Variants in SYT17 observed in about 807,000 individuals in gnomAD.
The protein encoded by SYT17 is synaptotagmin 17, also known as synaptotagmin-17.
A neutral mutation model predicts 46.7 loss-of-function variants in SYT17; 22 were observed. That is an observed-to-expected ratio of 0.47 (90% CI 0.34 to 0.67). SYT17 has a LOEUF of 0.67. Among genes scored for constraint, SYT17 ranks in the 30% least tolerant of loss-of-function variants. The pLI is 0.01. For synonymous variants in SYT17, 251 were observed against 248.4 expected (o/e 1.01, Z -0.10); for missense variants, 519 against 612.8 (o/e 0.85, Z 1.62).
intron 5 of SYT17, among the ~76,000 whole-genome samples, chr16:19,198,652 G>A (rs890454092): frequency 2.0e-5 from 3 of 152,204 alleles, no homozygotes; most frequent in African/African-American, 7.2e-5. Flanking sequence ...TTGAACATGA[G>A]GAGGCTGTGT....
intron 5 of SYT17, among the ~76,000 whole-genome samples, chr16:19,196,167 G>C (rs557909842): frequency 6.6e-6 from 1 of 152,198 alleles, no homozygotes; most frequent in South Asian, 2.1e-4. Context: ...GAAGGAATTG[G>C]CTTAGAATCT....
At chr16:19,190,768 CTGTGTGTGTGTGTGTGTG>C (rs56947560) in intron 5 of SYT17, among the ~76,000 whole-genome samples, 37 of 144,834 alleles carry the variant, frequency 2.6e-4, no homozygotes, top group African/African-American at 6.1e-4. Context: ...AATAATATTC[CTGTGTGTGTGTGTGTGTG>C]TGTGTGTGTG....
At chr16:19,238,735 C>T (rs1468789759) in intron 7 of SYT17, among the ~76,000 whole-genome samples, 2 of 152,106 alleles carry the variant, frequency 1.3e-5, no homozygotes, top group Admixed American at 6.5e-5. Context: ...TATGTGCCTG[C>T]AGGGCCTAAG....
chr16:19,204,566 G>A (rs1177125854), intron 5 of SYT17, among the ~76,000 whole-genome samples: 4 of 151,976 alleles, frequency 2.6e-5, no homozygotes, highest in African/African-American at 9.7e-5. Context: ...GGTGCAGGGT[G>A]TTGAGGATGA....
Position 19,209,212 on chromosome 16 carries a change from G to T in SYT17, c.952-13833G>T, listed in dbSNP as rs542065687. 9.9e-5 allele frequency among the ~76,000 whole-genome samples: 15 copies of T among 152,158 alleles called. No individual in the cohort carries two copies. The South Asian group carries it at 3.1e-3, about 32-fold the overall frequency. On this transcript the variant is annotated intron_variant, in intron 5 of 7. Transcript: ENST00000355377. ...AAGGTCACATTCAGAGATCCTGGGG[G>T]TTGGAAATTAAATATGAATTTTGGG...
At position 19,183,380 on chromosome 16, in the gene SYT17, A is replaced by C. The variant is rs1596902967; in HGVS notation, c.332-148A>C. 1 of 1,178,202 alleles carries C rather than the reference A, an allele frequency of 8.5e-7. No homozygotes were observed. Among genetic ancestry groups the C allele is most frequent in the East Asian group, 2.4e-5 (1 of 42,500 alleles). 73.0% of individuals were successfully genotyped at this position (1,178,202 alleles called of 1,614,324 possible). Reference sequence around the variant, plus strand: ...ATAGTGCCACCAAACTATCTGTCACAGAATCAGTGAGTATTTCAGAGTGTG... The same window carrying C: ...ATAGTGCCACCAAACTATCTGTCACCGAATCAGTGAGTATTTCAGAGTGTG... On this transcript the variant is annotated intron_variant, in intron 4 of 7. Transcript: ENST00000355377. The surrounding 1 kb of genome is among the most constrained non-coding windows in gnomAD (Gnocchi z 5.6).
chr16:19,266,874 C>G lies in SYT17; in HGVS notation c.1229-6C>G. 6.2e-7 allele frequency: 1 copy of G among 1,611,850 alleles called. No homozygotes were observed. Among genetic ancestry groups the G allele is most frequent in the Non-Finnish European group, 8.5e-7 (1 of 1,178,918 alleles). On this transcript the variant is annotated splice_region_variant and splice_polypyrimidine_tract_variant and intron_variant, in intron 7 of 7. Transcript: ENST00000355377. ...CCCTCCTGCCCTCAACCCTCTGGCT[C>G]CCTAGTTTTCGGCCACAACATGAAG... is the stretch of plus-strand genomic sequence containing the variant.
intron 7 of SYT17, among the ~76,000 whole-genome samples, chr16:19,229,310 G>C (rs553609360): frequency 3.6e-4 from 55 of 152,272 alleles, no homozygotes; most frequent in African/African-American, 1.3e-3. Flanking sequence ...GAAGCATGAG[G>C]CTGGCATCTG....
intron 3 of SYT17, among the ~76,000 whole-genome samples, chr16:19,177,259 C>T (rs943060235): frequency 5.9e-5 from 9 of 152,042 alleles, no homozygotes; most frequent in African/African-American, 1.4e-4. Context: ...TTCCAGGTGG[C>T]GCCATTCACA....
Position 19,168,499 on chromosome 16 carries a change from G to C in SYT17, c.-148G>C. 9.0e-7 allele frequency: 1 copy of C among 1,116,004 alleles called. No individual in the cohort carries two copies. The highest frequency in any genetic ancestry group is 1.3e-6 in the Non-Finnish European group (1 of 791,230). 69.1% of individuals were successfully genotyped at this position (1,116,004 alleles called of 1,614,324 possible). A position where few individuals can be genotyped will look rare whatever the true frequency, so the allele number is the denominator to read the frequency against. ...GGCGGCCGGCGGAGGGGCGGGCGCC[G>C]CTCATCAGCCACGCCAGTCACGTCT... On this transcript the variant is annotated 5_prime_UTR_variant, in exon 1 of 8. Coordinates refer to ENST00000355377, the MANE Select transcript of SYT17 (RefSeq NM_016524.4). The surrounding 1 kb of genome is among the most constrained non-coding windows in gnomAD (Gnocchi z 6.9).
At chr16:19,263,417 A>C (rs1969122594) in intron 7 of SYT17, among the ~76,000 whole-genome samples, 3 of 152,126 alleles carry the variant, frequency 2.0e-5, no homozygotes, top group South Asian at 4.1e-4. Flanking sequence ...CGAGGTGGGC[A>C]GATCACCTGA....
chr16:19,179,163 T>C (rs1964444500), intron 3 of SYT17, among the ~76,000 whole-genome samples: 1 of 152,164 alleles, frequency 6.6e-6, no homozygotes, highest in Admixed American at 6.5e-5. Context: ...TCTCTTGCTG[T>C]GTCACCCAGG....
At chr16:19,196,536 A>G (rs2142707882) in intron 5 of SYT17, among the ~76,000 whole-genome samples, 1 of 141,810 alleles carries the variant, frequency 7.1e-6, no homozygotes, top group African/African-American at 2.7e-5. Context: ...AGCCACCAGC[A>G]CCCAGCTGAA....
At chr16:19,207,425 T>A (rs536622233) in intron 5 of SYT17, among the ~76,000 whole-genome samples, 7 of 152,190 alleles carry the variant, frequency 4.6e-5, no homozygotes, top group African/African-American at 1.7e-4. Context: ...TTCTGTAGGC[T>A]GCATAGGAAG....
chr16:19,238,910 T>C (rs1597000944), intron 7 of SYT17, among the ~76,000 whole-genome samples: 2 of 152,204 alleles, frequency 1.3e-5, no homozygotes, highest in South Asian at 4.1e-4. Context: ...CTTTCAGACA[T>C]CCCTTCTATC....
chr16:19,168,811 A>G lies in SYT17; in HGVS notation c.15+150A>G. On this transcript the variant is annotated intron_variant, in intron 1 of 7. Transcript: ENST00000355377. This position sits in a 1 kb window ranked among gnomAD's most constrained non-coding sequence, Gnocchi z 6.9. ...GTGCCCGTGCGCGGGCAACCTGTGCAGCAACAGGGGTGCGCCCCGGGAGGA... is the reference window on the plus strand; with the variant it reads ...GTGCCCGTGCGCGGGCAACCTGTGCGGCAACAGGGGTGCGCCCCGGGAGGA... 1 of 1,067,454 alleles carries G rather than the reference A, an allele frequency of 9.4e-7. No individual in the cohort carries two copies. The highest frequency in any genetic ancestry group is 1.3e-6 in the Non-Finnish European group (1 of 770,652). 66.1% of individuals were successfully genotyped at this position (1,067,454 alleles called of 1,614,324 possible).
intron 1 of SYT17, chr16:19,172,230 A>T: frequency 1.3e-6 from 1 of 748,138 alleles, no homozygotes; most frequent in Non-Finnish European, 1.7e-6. Context: ...CTTCCTTTTT[A>T]GTTCCCTCTA....
chr16:19,256,481 C>CACAT (rs1968576672), intron 7 of SYT17, among the ~76,000 whole-genome samples: 4 of 148,190 alleles, frequency 2.7e-5, no homozygotes, highest in Admixed American at 2.7e-4. Context: ...CACACACACA[C>CACAT]GTACCATACA....
At chr16:19,191,672 A>G (rs759238103) in intron 5 of SYT17, among the ~76,000 whole-genome samples, 18 of 152,258 alleles carry the variant, frequency 1.2e-4, no homozygotes, top group Non-Finnish European at 2.2e-4. Context: ...GAAGAAGCAA[A>G]TAGAGCATAT....
Sources: allele counts gnomAD v4.1 joint callset (sites outside exome capture counted in the v4.1 genomes callset), GRCh38; gene constraint gnomAD v4.1.1; non-coding constraint Gnocchi (gnomAD v3.1); transcripts MANE v1.5; gene names NCBI Gene and HGNC (gene_info 2026-07-23, HGNC 2026-07-21).